The following MALRD1 variants were observed in gnomAD, a reference collection of about 807,000 sequenced individuals.
MALRD1 encodes MAM and LDL receptor class A domain containing 1, also known as MAM and LDL-receptor class A domain-containing protein 1.
Under a neutral mutation model 242.1 loss-of-function variants are expected in MALRD1, and 247 were observed. The ratio of observed to expected loss-of-function variants is 1.02; its 90% CI spans 0.92 to 1.13. The LOEUF (loss-of-function observed/expected upper bound fraction) is 1.13. Among genes scored for constraint, MALRD1 ranks in the 50% most tolerant of loss-of-function variants. The probability of loss-of-function intolerance (pLI) is 0.00; values close to 1 mark genes in which losing one functional copy is unlikely to be tolerated. For synonymous variants in MALRD1, 995 were observed against 866.6 expected (o/e 1.15, Z -2.60); for missense variants, 2,989 against 2,533.1 (o/e 1.18, Z -3.86).
In MALRD1 at chr10:19,165,816, C is replaced by T. The variant is rs1834665060; in HGVS notation, c.1830+6C>T. ...AATCTACTCTACCTTTTCAGGTAAG[C>T]ACATACGAAATTAATACAACTCAAC... On this transcript the variant is annotated splice_donor_region_variant and intron_variant, in intron 13 of 39. Transcript: ENST00000454679. 1 of 1,231,462 alleles carries T rather than the reference C, an allele frequency of 8.1e-7. No individual in the cohort carries two copies. The highest frequency in any genetic ancestry group is 1.5e-5 in the African/African-American group (1 of 64,518). The allele number at this position is 1,231,462 out of a possible 1,614,324, so 76.3% of individuals were successfully genotyped here.
chr10:19,685,627 A>G (rs930344035), intron 36 of MALRD1, among the ~76,000 whole-genome samples: 2 of 152,216 alleles, frequency 1.3e-5, no homozygotes, highest in Admixed American at 6.5e-5. Flanking sequence ...CAATGCCATC[A>G]AAGTTATTTT....
intron 36 of MALRD1, among the ~76,000 whole-genome samples, chr10:19,657,499 G>A (rs11010957): frequency 0.42 from 64,365 of 151,856 alleles, 14,296 homozygotes; most frequent in Non-Finnish European, 0.5. Context: ...ACTGAGAAAT[G>A]ACTACAAAGA....
intron 26 of MALRD1, among the ~76,000 whole-genome samples, chr10:19,382,618 T>G (rs554407872): frequency 5.9e-5 from 9 of 152,150 alleles, no homozygotes; most frequent in Non-Finnish European, 1.0e-4. Context: ...TTACACCTGC[T>G]GTTTAATTCA....
intron 25 of MALRD1, among the ~76,000 whole-genome samples, chr10:19,351,778 T>A (rs973801291): frequency 1.3e-5 from 2 of 152,096 alleles, no homozygotes; most frequent in Non-Finnish European, 2.9e-5. Flanking sequence ...TCCTACTAAA[T>A]TTCTATTTGA....
At chr10:19,582,142 G>T (rs539689720) in intron 33 of MALRD1, among the ~76,000 whole-genome samples, 6,185 of 151,940 alleles carry the variant, frequency 0.041, 385 homozygotes, top group African/African-American at 0.13. Flanking sequence ...AGATGAGTAG[G>T]TTGCAAAAAT....
rs1838710069 is a variant in MALRD1 at position 19,607,816 on chromosome 10, C to T, written c.5984C>T (p.Ser1995Phe). 2 of 1,549,484 alleles carry T rather than the reference C, an allele frequency of 1.3e-6. No individual in the cohort carries two copies. The highest frequency in any genetic ancestry group is 2.7e-5 in the African/African-American group (2 of 72,884). Residue 1995 changes from serine to phenylalanine, a missense_variant, in exon 35 of 40, where the codon TCC (serine) becomes TTC (phenylalanine). By Grantham distance (155) the Ser-to-Phe change is radical. Coordinates refer to ENST00000454679, the MANE Select transcript of MALRD1 (RefSeq NM_001142308.3). ...TCTAATGGAGCTCTGGTGTGTGCCT[C>T]CTCCAACAGCTGTATCCCAGCCCAC... is the stretch of plus-strand genomic sequence containing the variant. ...SCSNGALVCA[S>F]SNSCIPAHQR...
intron 32 of MALRD1, among the ~76,000 whole-genome samples, chr10:19,556,855 A>G (rs754396403): frequency 1.3e-5 from 2 of 152,134 alleles, no homozygotes; most frequent in African/African-American, 2.4e-5. Flanking sequence ...CAAAGTGGCT[A>G]TACCAGTTTG....
At chr10:19,202,300 C>T (rs72786539) in intron 14 of MALRD1, among the ~76,000 whole-genome samples, 21,231 of 152,012 alleles carry the variant, frequency 0.14, 1,567 homozygotes, top group Middle Eastern at 0.2. Flanking sequence ...CAGAACTACT[C>T]TGCTGGCCAA....
At chr10:19,137,194 A>G (rs1008032177) in intron 10 of MALRD1, among the ~76,000 whole-genome samples, 3 of 151,906 alleles carry the variant, frequency 2.0e-5, no homozygotes, top group African/African-American at 7.2e-5. Context: ...TGTAGCTGGG[A>G]GGGATGAGTA....
In MALRD1 at chr10:19,425,457, T is replaced by C. The variant is rs531892104; in HGVS notation, c.4846-24850T>C. On this transcript the variant is annotated intron_variant, in intron 28 of 39. Coordinates refer to ENST00000454679, the MANE Select transcript of MALRD1 (RefSeq NM_001142308.3). Reference sequence around the variant, plus strand: ...GGAAGTATATACGTGTGTGTGTGTATGTATACATGGATCCATACCCACACA... The same window carrying C: ...GGAAGTATATACGTGTGTGTGTGTACGTATACATGGATCCATACCCACACA... Among the ~76,000 whole-genome samples the C allele has an allele frequency of 1.1e-3, 165 of 152,268 alleles. 1 individual carries two copies. The highest frequency in any genetic ancestry group is 5.8e-3 in the South Asian group (28 of 4,822).
intron 21 of MALRD1, among the ~76,000 whole-genome samples, chr10:19,285,592 G>A (rs973765820): frequency 4.0e-5 from 6 of 151,132 alleles, no homozygotes; most frequent in Non-Finnish European, 7.4e-5. Flanking sequence ...TGAGGGCTCT[G>A]TTCTGTTCCA....
At chr10:19,097,826 A>T (rs1836098684) in intron 4 of MALRD1, among the ~76,000 whole-genome samples, 1 of 152,212 alleles carries the variant, frequency 6.6e-6, no homozygotes, top group Admixed American at 6.5e-5. Flanking sequence ...AATAATGTCG[A>T]TTCTTGCAAA....
At chr10:19,185,977 A>G (rs1414609220) in intron 14 of MALRD1, among the ~76,000 whole-genome samples, 2 of 152,142 alleles carry the variant, frequency 1.3e-5, no homozygotes, top group Admixed American at 6.5e-5. Context: ...GTCTCTCTGT[A>G]TAATTACAAA....
At chr10:19,580,606 A>G (rs767724412) in intron 33 of MALRD1, among the ~76,000 whole-genome samples, 2 of 152,194 alleles carry the variant, frequency 1.3e-5, no homozygotes, top group African/African-American at 2.4e-5. Flanking sequence ...AATCACGTAT[A>G]CATACATAAG....
At chr10:19,576,823 C>T (rs1414338894) in intron 33 of MALRD1, among the ~76,000 whole-genome samples, 1 of 152,130 alleles carries the variant, frequency 6.6e-6, no homozygotes. Context: ...CCTTAATCCT[C>T]CCCACAGGAA....
intron 15 of MALRD1, 119 bp from the exon 16 acceptor site, chr10:19,204,189 G>A (rs1836678877): frequency 1.4e-6 from 1 of 712,934 alleles, no homozygotes; most frequent in East Asian, 2.7e-5. Context: ...ATTGATTATT[G>A]TATAATTTTA....
intron 5 of MALRD1, among the ~76,000 whole-genome samples, chr10:19,108,056 T>A (rs1836533079): frequency 6.6e-6 from 1 of 152,188 alleles, no homozygotes; most frequent in Admixed American, 6.5e-5. Flanking sequence ...GGGAGGTTTT[T>A]AACTATTATT....
intron 36 of MALRD1, among the ~76,000 whole-genome samples, chr10:19,690,440 T>C (rs1842769411): frequency 6.6e-6 from 1 of 152,068 alleles, no homozygotes; most frequent in Non-Finnish European, 1.5e-5. Context: ...ATAAAACTTC[T>C]AACACTAGAA....
At chr10:19,476,988 A>G (rs1244917956) in intron 29 of MALRD1, among the ~76,000 whole-genome samples, 2 of 152,166 alleles carry the variant, frequency 1.3e-5, no homozygotes, top group African/African-American at 4.8e-5. Context: ...AGGTATTCCA[A>G]CATCTCATTT....
Sources: allele counts gnomAD v4.1 joint callset (sites outside exome capture counted in the v4.1 genomes callset), GRCh38; gene constraint gnomAD v4.1.1; transcripts MANE v1.5; gene names NCBI Gene and HGNC (gene_info 2026-07-23, HGNC 2026-07-21).